Variants in PRKAR2B observed in about 807,000 individuals in gnomAD.
PRKAR2B encodes the protein protein kinase cAMP-dependent type II regulatory subunit beta.
Under a neutral mutation model 49.9 loss-of-function variants are expected in PRKAR2B, and 14 were observed. The observed-to-expected ratio is 0.28, with a 90% CI of 0.19 to 0.44. The LOEUF (loss-of-function observed/expected upper bound fraction) is 0.44, where lower values mean the gene tolerates loss of function less well. Ranked by LOEUF, PRKAR2B falls within the 20% of genes least tolerant of loss-of-function variation. The pLI is 1.00. For missense variants in PRKAR2B, 393 were observed against 537.9 expected, an observed-to-expected ratio of 0.73 and a Z score of 2.67; for synonymous variants, 196 against 197.7, an observed-to-expected ratio of 0.99 and a Z score of 0.07.
intron 2 of PRKAR2B, among the ~76,000 whole-genome samples, chr7:107,089,908 A>C (rs1162274769): frequency 6.6e-6 from 1 of 152,240 alleles, no homozygotes; most frequent in Admixed American, 6.5e-5. Context: ...TCTATTGACT[A>C]GTCACTAGCA....
At chr7:107,093,145 T>C (rs1794763414) in intron 2 of PRKAR2B, among the ~76,000 whole-genome samples, 1 of 152,242 alleles carries the variant, frequency 6.6e-6, no homozygotes, top group Non-Finnish European at 1.5e-5. Context: ...GGGTTGCTTC[T>C]ACCTTTGGCT....
intron 8 of PRKAR2B, among the ~76,000 whole-genome samples, chr7:107,156,748 G>A (rs1406145384): frequency 6.6e-6 from 1 of 151,858 alleles, no homozygotes; most frequent in Non-Finnish European, 1.5e-5. Flanking sequence ...GGAGCTTGTA[G>A]TGAGCCGAGA....
At chr7:107,098,433 GCTT>G (rs1794891611) in intron 2 of PRKAR2B, among the ~76,000 whole-genome samples, 1 of 152,124 alleles carries the variant, frequency 6.6e-6, no homozygotes, top group African/African-American at 2.4e-5. Flanking sequence ...AAGGTTTTTA[GCTT>G]CTTTGCAGTG....
intron 6 of PRKAR2B, among the ~76,000 whole-genome samples, chr7:107,147,730 C>T (rs1014182376): frequency 1.3e-5 from 2 of 152,156 alleles, no homozygotes; most frequent in African/African-American, 4.8e-5. Context: ...TATGTATTTT[C>T]TTTTAAAATT....
At chr7:107,126,741 A>G (rs907116436) in intron 3 of PRKAR2B, among the ~76,000 whole-genome samples, 1 of 151,976 alleles carries the variant, frequency 6.6e-6, no homozygotes, top group Non-Finnish European at 1.5e-5. Flanking sequence ...TATTTGAAGT[A>G]GGAGGAAGTG....
At chr7:107,141,529 A>G (rs1042931054) in intron 5 of PRKAR2B, among the ~76,000 whole-genome samples, 2 of 152,038 alleles carry the variant, frequency 1.3e-5, no homozygotes, top group African/African-American at 2.4e-5. Flanking sequence ...CGTCTCTACT[A>G]AATACAAAAA....
chr7:107,121,280 G>A (rs1350164746), intron 2 of PRKAR2B, among the ~76,000 whole-genome samples: 1 of 152,054 alleles, frequency 6.6e-6, no homozygotes, highest in African/African-American at 2.4e-5. Flanking sequence ...GCATGAAGGT[G>A]TTTACTGCAA....
intron 1 of PRKAR2B, among the ~76,000 whole-genome samples, chr7:107,049,031 C>G (rs1793753934): frequency 1.3e-5 from 2 of 152,096 alleles, no homozygotes; most frequent in Admixed American, 6.5e-5. Flanking sequence ...GGTAGCATCC[C>G]TAGGCCTTGA....
chr7:107,099,474 C>A (rs1026875483), intron 2 of PRKAR2B, among the ~76,000 whole-genome samples: 1 of 152,102 alleles, frequency 6.6e-6, no homozygotes, highest in Non-Finnish European at 1.5e-5. Flanking sequence ...CCAGTTGAGG[C>A]GATGCCCCGC....
intron 2 of PRKAR2B, among the ~76,000 whole-genome samples, chr7:107,116,346 G>A (rs549803471): frequency 1.3e-5 from 2 of 152,160 alleles, no homozygotes; most frequent in Admixed American, 6.5e-5. Flanking sequence ...CTCCTTTCTC[G>A]TCTGTGTTCC....
intron 1 of PRKAR2B, among the ~76,000 whole-genome samples, chr7:107,049,676 A>T (rs753069591): frequency 3.3e-5 from 5 of 152,132 alleles, no homozygotes; most frequent in Non-Finnish European, 7.3e-5. Flanking sequence ...CCAGTATTGC[A>T]CTTCTTGGCG....
intron 7 of PRKAR2B, 102 bp from the exon 8 acceptor site, chr7:107,153,075 T>C: frequency 1.5e-6 from 1 of 652,880 alleles, no homozygotes; most frequent in South Asian, 2.4e-5. Flanking sequence ...TACACACTGC[T>C]CGATTTATTT....
intron 8 of PRKAR2B, among the ~76,000 whole-genome samples, chr7:107,156,232 A>C (rs959634929): frequency 6.6e-6 from 1 of 152,100 alleles, no homozygotes; most frequent in African/African-American, 2.4e-5. Context: ...ACAAACCTGC[A>C]TGTTCTCCAC....
chr7:107,110,468 C>T (rs567037629), intron 2 of PRKAR2B, among the ~76,000 whole-genome samples: 2 of 152,040 alleles, frequency 1.3e-5, no homozygotes, highest in East Asian at 3.9e-4. Flanking sequence ...TTTCCACAAC[C>T]CCAGGCTTCA....
chr7:107,070,193 A>G (rs1414737095), intron 1 of PRKAR2B, 88 bp from the exon 2 acceptor site: 2 of 909,984 alleles, frequency 2.2e-6, no homozygotes, highest in African/African-American at 1.7e-5. Flanking sequence ...TAGTTAAATT[A>G]TAAGATGGTT....
chr7:107,119,721 A>G lies in PRKAR2B; in HGVS notation c.344-2231A>G, dbSNP rs141380552. Among the ~76,000 whole-genome samples the G allele has an allele frequency of 1.3e-4, 20 of 152,326 alleles. No homozygotes were observed. The South Asian group carries it at 1.4e-3, about 11-fold the overall frequency. ...TTCCTGCTCACCAAGCAATCTTTCA[A>G]TAGTGACTTGGCTGCTTCTTTGGTT... On this transcript the variant is annotated intron_variant, in intron 2 of 10. Transcript: ENST00000265717.
intron 2 of PRKAR2B, among the ~76,000 whole-genome samples, chr7:107,088,523 G>C (rs1207750448): frequency 6.6e-6 from 1 of 152,112 alleles, no homozygotes; most frequent in African/African-American, 2.4e-5. Context: ...TCTTTTGGCA[G>C]CTTAAGCCAA....
intron 4 of PRKAR2B, chr7:107,129,018 A>G (rs1795549582): frequency 6.6e-6 from 1 of 152,132 alleles, no homozygotes; most frequent in Admixed American, 6.5e-5. Flanking sequence ...AAATAGAGTC[A>G]ACTTTTGTAA....
chr7:107,142,597 C>A (rs987590109), intron 5 of PRKAR2B, among the ~76,000 whole-genome samples: 1 of 152,102 alleles, frequency 6.6e-6, no homozygotes, highest in Non-Finnish European at 1.5e-5. Flanking sequence ...AACATGCAGG[C>A]CCACAGAAGT....
Sources: allele counts gnomAD v4.1 joint callset (sites outside exome capture counted in the v4.1 genomes callset), GRCh38; gene constraint gnomAD v4.1.1; transcripts MANE v1.5; gene names NCBI Gene and HGNC (gene_info 2026-07-23, HGNC 2026-07-21).